The following LRRC7 variants were observed in gnomAD, a reference collection of about 807,000 sequenced individuals.
LRRC7 encodes leucine rich repeat containing 7, also known as leucine-rich repeat-containing protein 7.
LRRC7 carries 23 observed loss-of-function variants against 175.7 expected under a neutral mutation model. The observed-to-expected ratio is 0.13, with a 90% CI of 0.09 to 0.19. LRRC7 has a LOEUF of 0.19. Ranked by LOEUF, LRRC7 falls within the 10% of genes least tolerant of loss-of-function variation. LRRC7 has a pLI of 1.00. For synonymous variants in LRRC7, 685 were observed against 680.9 expected (o/e 1.01, Z -0.09); for missense variants, 1,354 against 1,904.7 (o/e 0.71, Z 5.38).
chr1:69,688,152 C>A (rs771981425), intron 2 of LRRC7, among the ~76,000 whole-genome samples: 1 of 152,162 alleles, frequency 6.6e-6, no homozygotes, highest in Non-Finnish European at 1.5e-5. Context: ...GCCAATGAAT[C>A]TGGGATTGAA....
chr1:70,087,600 T>C (rs776071429), intron 24 of LRRC7, among the ~76,000 whole-genome samples: 2 of 152,140 alleles, frequency 1.3e-5, no homozygotes, highest in African/African-American at 4.8e-5. Context: ...CTAGGATCAA[T>C]ATAAAAATAC....
chr1:69,750,773 G>T (rs942673191), intron 2 of LRRC7, among the ~76,000 whole-genome samples: 1 of 152,058 alleles, frequency 6.6e-6, no homozygotes, highest in African/African-American at 2.4e-5. Context: ...AGCCTAAACT[G>T]GTTTCCTTTA....
chr1:69,983,928 T>C (rs1232247448), intron 9 of LRRC7, among the ~76,000 whole-genome samples: 2 of 152,084 alleles, frequency 1.3e-5, no homozygotes, highest in East Asian at 3.9e-4. Flanking sequence ...GGGTCTGACA[T>C]TATACTTTTT....
chr1:69,624,940 TC>T (rs1303903216), intron 1 of LRRC7, among the ~76,000 whole-genome samples: 1 of 152,170 alleles, frequency 6.6e-6, no homozygotes, highest in East Asian at 1.9e-4. Flanking sequence ...ATATTCTCTT[TC>T]CTTATTCTTC....
chr1:70,039,415 A>G lies in LRRC7; in HGVS notation c.3591A>G (p.Thr1197=), dbSNP rs760664359. The G allele has an allele frequency of 1.2e-6, 2 of 1,614,156 alleles. No individual in the cohort carries two copies. Among genetic ancestry groups the G allele is most frequent in the East Asian group, 2.2e-5 (1 of 44,852 alleles). Residue 1197 remains threonine (T), a synonymous_variant, in exon 21 of 27, where the codon ACA becomes ACG. Coordinates refer to ENST00000651989, the MANE Select transcript of LRRC7 (RefSeq NM_001370785.2). ...RGGLDRQSSV[T]VTESQFLKRN... is the part of the protein sequence containing the mutation. ...GGCTGGATCGCCAAAGCAGCGTTAC[A>G]GTGACTGAGTCCCAGTTCCTGAAAA...
rs11331203 is a variant in LRRC7, at chr1:70,062,912, G to GA, written c.4230+9775dup. Among the ~76,000 whole-genome samples, 1,193 of 151,644 alleles carry GA rather than the reference G, an allele frequency of 7.9e-3. 7 individuals are homozygous for GA. The highest frequency in any genetic ancestry group is 0.013 in the Non-Finnish European group (896 of 67,788). Reference sequence around the variant, plus strand: ...ATAGGAGGTTGTGAAAATGTGAATGGAAAAAAAATCTCTAACCTAAAGCAA... The same window carrying GA: ...ATAGGAGGTTGTGAAAATGTGAATGGAAAAAAAAATCTCTAACCTAAAGCAA... On this transcript the variant is annotated intron_variant, in intron 23 of 26. Coordinates refer to ENST00000651989, the MANE Select transcript of LRRC7 (RefSeq NM_001370785.2).
chr1:69,879,543 G>T (rs1160488760), intron 7 of LRRC7: 1 of 152,342 alleles, frequency 6.6e-6, no homozygotes, highest in Non-Finnish European at 1.5e-5. Context: ...TGTGGCCTCG[G>T]TAGGAATGAG....
At chr1:69,948,562 A>G (rs898370933) in intron 8 of LRRC7, among the ~76,000 whole-genome samples, 2 of 152,162 alleles carry the variant, frequency 1.3e-5, no homozygotes, top group Admixed American at 6.5e-5. Context: ...AAACAAGCAC[A>G]TATCATTTGG....
At chr1:70,034,631 A>G (rs888058691) in intron 18 of LRRC7, among the ~76,000 whole-genome samples, 3 of 152,178 alleles carry the variant, frequency 2.0e-5, no homozygotes, top group African/African-American at 7.2e-5. Flanking sequence ...AGGCAGCACA[A>G]GGTAAGGAAA....
chr1:69,736,342 A>G (rs906971958), intron 2 of LRRC7, among the ~76,000 whole-genome samples: 3 of 152,146 alleles, frequency 2.0e-5, no homozygotes, highest in Admixed American at 6.6e-5. Flanking sequence ...GCTGTACTTC[A>G]TCTCTTAGAA....
chr1:69,717,827 A>G lies in LRRC7; in HGVS notation c.100+39349A>G, dbSNP rs1310129801. ...GAAAGAAAGAAAGAAAGAAAGAAAGAAAGAAAGAAAGAAAAAAGAAAGAAA... is the reference window on the plus strand; with the variant it reads ...GAAAGAAAGAAAGAAAGAAAGAAAGGAAGAAAGAAAGAAAAAAGAAAGAAA... On this transcript the variant is annotated intron_variant, in intron 2 of 26. Coordinates refer to ENST00000651989, the MANE Select transcript of LRRC7 (RefSeq NM_001370785.2). Among the ~76,000 whole-genome samples the G allele has an allele frequency of 4.0e-5, 2 of 49,888 alleles. 1 individual carries two copies. Among genetic ancestry groups the G allele is most frequent in the African/African-American group, 2.1e-4 (2 of 9,668 alleles). 32.7% of individuals were successfully genotyped at this position (49,888 alleles called of 152,430 possible).
chr1:69,886,714 G>A (rs962447450), intron 7 of LRRC7, among the ~76,000 whole-genome samples: 2 of 150,076 alleles, frequency 1.3e-5, no homozygotes, highest in African/African-American at 2.5e-5. Flanking sequence ...TCCTAGTCTC[G>A]ATGGTCTTTA....
intron 1 of LRRC7, among the ~76,000 whole-genome samples, chr1:69,671,407 T>G (rs1441125193): frequency 1.3e-5 from 2 of 152,102 alleles, no homozygotes; most frequent in Non-Finnish European, 2.9e-5. Flanking sequence ...TTTCCTCTCC[T>G]CAAGCAGGAG....
At chr1:70,033,788 C>G (rs901135183) in intron 18 of LRRC7, among the ~76,000 whole-genome samples, 1 of 152,032 alleles carries the variant, frequency 6.6e-6, no homozygotes, top group African/African-American at 2.4e-5. Context: ...AAGCAAAACC[C>G]ATAATTATGT....
intron 3 of LRRC7, among the ~76,000 whole-genome samples, chr1:69,790,112 T>G (rs1674941368): frequency 6.6e-6 from 1 of 152,052 alleles, no homozygotes; most frequent in Admixed American, 6.5e-5. Flanking sequence ...TTAGAACTGA[T>G]GAATCTATTA....
chr1:69,949,342 C>T (rs1649673308), intron 8 of LRRC7, among the ~76,000 whole-genome samples: 1 of 152,086 alleles, frequency 6.6e-6, no homozygotes, highest in Admixed American at 6.6e-5. Flanking sequence ...GAGGCCTAGG[C>T]AGGCAGATCA....
chr1:69,633,463 C>T (rs1318973037), intron 1 of LRRC7, among the ~76,000 whole-genome samples: 1 of 152,078 alleles, frequency 6.6e-6, no homozygotes, highest in African/African-American at 2.4e-5. Context: ...AAATCTCCCT[C>T]TGTCACCCAG....
At chr1:69,726,364 T>C (rs1666977264) in intron 2 of LRRC7, among the ~76,000 whole-genome samples, 1 of 152,234 alleles carries the variant, frequency 6.6e-6, no homozygotes, top group Non-Finnish European at 1.5e-5. Flanking sequence ...TATAGAGTTA[T>C]AGGCTTATTA....
At chr1:70,047,924 A>G (rs1046040125) in intron 22 of LRRC7, among the ~76,000 whole-genome samples, 7 of 151,994 alleles carry the variant, frequency 4.6e-5, no homozygotes, top group Non-Finnish European at 8.8e-5. Flanking sequence ...TAGAACATAT[A>G]AATCTTTTAT....
Sources: gnomAD v4.1 joint callset for allele counts (sites outside exome capture counted in the v4.1 genomes callset) on GRCh38, gnomAD v4.1.1 for gene constraint, MANE v1.5 for transcripts, NCBI Gene and HGNC (gene_info 2026-07-23, HGNC 2026-07-21) for gene names.